The following SPIRE1 variants were observed in gnomAD, a reference collection of about 807,000 sequenced individuals.
SPIRE1 encodes the protein protein spire homolog 1.
SPIRE1 carries 40 observed loss-of-function variants against 94.1 expected under a neutral mutation model. The ratio of observed to expected loss-of-function variants is 0.43; its 90% CI spans 0.33 to 0.55. The LOEUF is 0.55. Among genes scored for constraint, SPIRE1 ranks in the 20% least tolerant of loss-of-function variants. SPIRE1 has a pLI of 0.06. For missense variants in SPIRE1, 838 were observed against 975.2 expected (o/e 0.86, Z 1.87); for synonymous variants, 376 against 371.7 (o/e 1.01, Z -0.13).
At chr18:12,496,632 G>A (rs1314937356) in intron 6 of SPIRE1, among the ~76,000 whole-genome samples, 1 of 152,202 alleles carries the variant, frequency 6.6e-6, no homozygotes, top group South Asian at 2.1e-4. Flanking sequence ...CACTTCGGGA[G>A]GCCGAGACGG....
At chr18:12,450,682 A>G (rs2143483605) in intron 16 of SPIRE1, 1 of 635,468 alleles carries the variant, frequency 1.6e-6, no homozygotes. Context: ...AGGATTATGG[A>G]CCAGCTAAGG....
At chr18:12,576,556 T>C (rs1165962015) in intron 2 of SPIRE1, among the ~76,000 whole-genome samples, 1 of 114,718 alleles carries the variant, frequency 8.7e-6, no homozygotes, top group East Asian at 2.6e-4. Context: ...CACTCCAGCC[T>C]GGGCATCAGA....
At chr18:12,489,732 T>C (rs997661564) in intron 8 of SPIRE1, among the ~76,000 whole-genome samples, 3 of 152,232 alleles carry the variant, frequency 2.0e-5, no homozygotes, top group Admixed American at 6.5e-5. Flanking sequence ...TCATATTTAA[T>C]GACATAGGAA....
intron 2 of SPIRE1, among the ~76,000 whole-genome samples, chr18:12,557,419 T>TTGC (rs1251596286): frequency 6.6e-6 from 1 of 152,196 alleles, no homozygotes; most frequent in Non-Finnish European, 1.5e-5. Flanking sequence ...CCCAGGGCCG[T>TTGC]TGCTGCCAGC....
At chr18:12,530,340 G>A (rs1223881160) in intron 4 of SPIRE1, among the ~76,000 whole-genome samples, 6 of 152,082 alleles carry the variant, frequency 3.9e-5, no homozygotes, top group Admixed American at 1.3e-4. Context: ...AAGACTAGAC[G>A]GAAGCTTAAC....
chr18:12,593,767 T>C (rs1281503713), intron 2 of SPIRE1, among the ~76,000 whole-genome samples: 1 of 152,084 alleles, frequency 6.6e-6, no homozygotes, highest in African/African-American at 2.4e-5. Flanking sequence ...CTGATCAAAA[T>C]GGAGAAACCC....
intron 2 of SPIRE1, among the ~76,000 whole-genome samples, chr18:12,574,162 T>A (rs2036032166): frequency 6.6e-6 from 1 of 152,206 alleles, no homozygotes; most frequent in South Asian, 2.1e-4. Context: ...GAAAGTGACT[T>A]AAGATTATGT....
At chr18:12,506,314 C>A (rs140927978) in intron 6 of SPIRE1, among the ~76,000 whole-genome samples, 163 bp downstream of exon 6, 10 of 152,026 alleles carry the variant, frequency 6.6e-5, no homozygotes, top group Non-Finnish European at 1.5e-4. Flanking sequence ...TGCACCACCA[C>A]GCCCAACTAA....
chr18:12,529,423 C>T lies in SPIRE1; in HGVS notation c.729+6053G>A, dbSNP rs142316626. 3.5e-3 allele frequency among the ~76,000 whole-genome samples: 525 copies of T among 151,644 alleles called. 4 individuals carry two copies. Among genetic ancestry groups the T allele is most frequent in the African/African-American group, 0.012 (493 of 41,308 alleles). ...AATATATAAAGGTGTCTGGGGTGGC[C>T]TGAGGAGATGTCCTTTCAGCTGAGG... On this transcript the variant is annotated intron_variant, in intron 4 of 16. Transcript: ENST00000409402.
chr18:12,603,670 G>A (rs866124206), intron 2 of SPIRE1, among the ~76,000 whole-genome samples: 1 of 151,888 alleles, frequency 6.6e-6, no homozygotes, highest in Middle Eastern at 3.4e-3. Context: ...CGCCTCCTGG[G>A]TTCAAGCAAT....
intron 2 of SPIRE1, among the ~76,000 whole-genome samples, chr18:12,626,106 A>G (rs758766975): frequency 1.3e-5 from 2 of 151,608 alleles, no homozygotes; most frequent in Non-Finnish European, 2.9e-5. Context: ...AGGTAGAATC[A>G]ATTATGGGTA....
intron 5 of SPIRE1, among the ~76,000 whole-genome samples, chr18:12,510,292 T>C (rs1464633729): frequency 2.6e-5 from 4 of 152,106 alleles, no homozygotes; most frequent in African/African-American, 9.7e-5. Context: ...ATTGTGGTGA[T>C]GGTTTCATGG....
At chr18:12,489,093 C>A (rs1405982649) in intron 8 of SPIRE1, among the ~76,000 whole-genome samples, 1 of 152,116 alleles carries the variant, frequency 6.6e-6, no homozygotes, top group Non-Finnish European at 1.5e-5. Context: ...GAGGCTGAGG[C>A]AGGAGAATGG....
At chr18:12,549,709 G>T (rs568979036) in intron 2 of SPIRE1, among the ~76,000 whole-genome samples, 3 of 151,782 alleles carry the variant, frequency 2.0e-5, no homozygotes, top group African/African-American at 7.2e-5. Flanking sequence ...TTGGCCTCCC[G>T]GAGTGCTGGG....
chr18:12,651,404 C>T (rs749975784), intron 1 of SPIRE1, among the ~76,000 whole-genome samples: 75 of 152,036 alleles, frequency 4.9e-4, no homozygotes, highest in Middle Eastern at 3.4e-3. Flanking sequence ...TTGCTGGGTG[C>T]GGTGGCTCAC....
chr18:12,491,918 G>T (rs980659736), intron 8 of SPIRE1, among the ~76,000 whole-genome samples: 5 of 152,208 alleles, frequency 3.3e-5, no homozygotes, highest in African/African-American at 1.2e-4. Context: ...ATCAACAGGG[G>T]TTGGCCATCG....
At chr18:12,569,340 CAA>C (rs11344272) in intron 2 of SPIRE1, among the ~76,000 whole-genome samples, 150 of 114,352 alleles carry the variant, frequency 1.3e-3, no homozygotes, top group Middle Eastern at 9.1e-3. Context: ...GACTCCGTCT[CAA>C]AAAAAAAAAA....
intron 2 of SPIRE1, among the ~76,000 whole-genome samples, chr18:12,572,191 G>C (rs1037220703): frequency 1.3e-5 from 2 of 152,144 alleles, no homozygotes; most frequent in South Asian, 2.1e-4. Context: ...TGGGGGCTTG[G>C]GGGGGTCAAT....
intron 12 of SPIRE1, among the ~76,000 whole-genome samples, chr18:12,455,995 A>G (rs1457299573): frequency 6.6e-6 from 1 of 152,236 alleles, no homozygotes; most frequent in Non-Finnish European, 1.5e-5. Context: ...CTAAAAATCA[A>G]TGCAAAACCA....
Sources: allele counts gnomAD v4.1 joint callset (sites outside exome capture counted in the v4.1 genomes callset), GRCh38; gene constraint gnomAD v4.1.1; transcripts MANE v1.5; gene names NCBI Gene and HGNC (gene_info 2026-07-23, HGNC 2026-07-21).